The following STAT5B variants were observed in gnomAD, a reference collection of about 807,000 sequenced individuals.
The protein encoded by STAT5B is signal transducer and activator of transcription 5B.
A neutral mutation model predicts 107.8 loss-of-function variants in STAT5B; 21 were observed. The observed-to-expected ratio is 0.19, with a 90% CI of 0.14 to 0.28. STAT5B has a LOEUF of 0.28. Ranked by LOEUF, STAT5B falls within the 10% of genes least tolerant of loss-of-function variation. The pLI is 1.00. For synonymous variants in STAT5B, 325 were observed against 401.7 expected, an observed-to-expected ratio of 0.81 and a Z score of 2.28; for missense variants, 565 against 1,008.2, an observed-to-expected ratio of 0.56 and a Z score of 5.95.
At chr17:42,252,045 A>G (rs2080504783) in intron 1 of STAT5B, among the ~76,000 whole-genome samples, 1 of 151,948 alleles carries the variant, frequency 6.6e-6, no homozygotes, top group Non-Finnish European at 1.5e-5. Context: ...ACAAATAACT[A>G]TGTTACTGTT....
At chr17:42,269,746 G>A (rs544736261) in intron 1 of STAT5B, 27 of 151,852 alleles carry the variant, frequency 1.8e-4, no homozygotes, top group African/African-American at 5.1e-4. Context: ...AAAGCACTAC[G>A]CTTTAGGGTT....
At chr17:42,216,843 A>G (rs1280543917) in intron 11 of STAT5B, among the ~76,000 whole-genome samples, 1 of 151,558 alleles carries the variant, frequency 6.6e-6, no homozygotes, top group Non-Finnish European at 1.5e-5. Context: ...ACGCCTGGCT[A>G]ATTTTTGTAC....
intron 1 of STAT5B, among the ~76,000 whole-genome samples, chr17:42,252,295 G>A (rs1213079812): frequency 2.1e-4 from 32 of 152,138 alleles, no homozygotes; most frequent in Admixed American, 2.1e-3. Flanking sequence ...TGTATCCAAT[G>A]TCTTTGATCA....
At chr17:42,211,817 C>T (rs953914307) in intron 13 of STAT5B, among the ~76,000 whole-genome samples, 167 bp downstream of exon 13, 1 of 152,228 alleles carries the variant, frequency 6.6e-6, no homozygotes, top group Non-Finnish European at 1.5e-5. Context: ...TAATTTTCTA[C>T]ACGTGACCTG....
chr17:42,219,888 A>C (rs1598304255), intron 5 of STAT5B, 46 bp from the exon 6 acceptor site: 4 of 1,613,676 alleles, frequency 2.5e-6, no homozygotes, highest in Non-Finnish European at 3.4e-6. Context: ...CCCAGTGTCC[A>C]ACAGGAGGCC....
At chr17:42,213,818 C>T (rs890052930) in intron 12 of STAT5B, among the ~76,000 whole-genome samples, 29 of 149,062 alleles carry the variant, frequency 1.9e-4, no homozygotes, top group Non-Finnish European at 3.9e-4. Context: ...TGTGAGCCAC[C>T]GTGCCCAGCT....
At position 42,232,250 on chromosome 17, in the gene STAT5B, T is replaced by C. The variant is rs918213345; in HGVS notation, c.-10-113A>G. ...GTAAATGTTTTTATTTTATTATTTATTTTTATTTTTATTTTTTTGAGACAG... is the reference window on the plus strand; with the variant it reads ...GTAAATGTTTTTATTTTATTATTTACTTTTATTTTTATTTTTTTGAGACAG... On this transcript the variant is annotated intron_variant, in intron 1 of 18. Transcript: ENST00000293328. The C allele has an allele frequency of 4.6e-6, 5 of 1,090,400 alleles. No individual in the cohort carries two copies. The African/African-American group carries it at 6.7e-5, about 15-fold the overall frequency. The allele number at this position is 1,090,400 out of a possible 1,614,324, so 67.5% of individuals were successfully genotyped here.
chr17:42,278,236 A>G (rs2080779847), upstream of STAT5B, among the ~76,000 whole-genome samples: 1 of 152,070 alleles, frequency 6.6e-6, no homozygotes, highest in Non-Finnish European at 1.5e-5. Context: ...TTGAAGGACA[A>G]TTTCATGTTT....
chr17:42,242,686 G>A (rs185450149), intron 1 of STAT5B, among the ~76,000 whole-genome samples: 12 of 149,572 alleles, frequency 8.0e-5, no homozygotes, highest in Admixed American at 4.7e-4. Context: ...ACAAAAACAC[G>A]ACTGGGTGTG....
chr17:42,273,676 T>C (rs1424580978), intron 1 of STAT5B, among the ~76,000 whole-genome samples: 2 of 152,188 alleles, frequency 1.3e-5, no homozygotes, highest in Non-Finnish European at 2.9e-5. Context: ...GTAACCTGCA[T>C]CTAATCTTGA....
intron 5 of STAT5B, among the ~76,000 whole-genome samples, chr17:42,221,942 TATGTG>T (rs1216037139): frequency 2.1e-5 from 3 of 145,130 alleles, no homozygotes; most frequent in Non-Finnish European, 4.5e-5. Context: ...GTGTGGTGTG[TATGTG>T]TGGTGTGTGT....
At chr17:42,278,466 G>A (rs2080781486), upstream of STAT5B, among the ~76,000 whole-genome samples, 1 of 152,174 alleles carries the variant, frequency 6.6e-6, no homozygotes, top group Non-Finnish European at 1.5e-5. Context: ...AGCTACTGAG[G>A]AGGCTAAGGT....
chr17:42,217,080 A>T (rs1470451897), intron 11 of STAT5B, 80 bp downstream of exon 11: 24 of 1,308,574 alleles, frequency 1.8e-5, no homozygotes, highest in Middle Eastern at 2.3e-4. Context: ...GCTATGTGAT[A>T]AAAAAAAAAT....
In STAT5B at chr17:42,201,601, A is replaced by C. The variant is rs1333225103; in HGVS notation, c.*137T>G. On this transcript the variant is annotated 3_prime_UTR_variant, in exon 19 of 19. Coordinates refer to ENST00000293328, the MANE Select transcript of STAT5B (RefSeq NM_012448.4). ...CGCTGGTGCCACCATGCACAGAAAC[A>C]CTAAGGTCACAACTAGTATTAACAC... is the stretch of plus-strand genomic sequence containing the variant. 1 of 748,204 alleles carries C rather than the reference A, an allele frequency of 1.3e-6. No homozygotes were observed. Among genetic ancestry groups the C allele is most frequent in the Non-Finnish European group, 2.4e-6 (1 of 416,844 alleles). 46.3% of individuals were successfully genotyped at this position (748,204 alleles called of 1,614,324 possible).
intron 1 of STAT5B, among the ~76,000 whole-genome samples, chr17:42,242,153 G>A (rs1218379113): frequency 6.6e-6 from 1 of 152,138 alleles, no homozygotes; most frequent in African/African-American, 2.4e-5. Context: ...AAGGGTAAGG[G>A]AGGGAATAAA....
chr17:42,259,010 A>G (rs1408937780), intron 1 of STAT5B, among the ~76,000 whole-genome samples: 1 of 152,262 alleles, frequency 6.6e-6, no homozygotes, highest in Non-Finnish European at 1.5e-5. Context: ...AAGAGTAGCT[A>G]AGACCAAAAG....
intron 18 of STAT5B, 29 bp downstream of exon 18, chr17:42,202,311 C>G (rs1334315841): frequency 6.2e-7 from 1 of 1,613,272 alleles, no homozygotes; most frequent in Non-Finnish European, 8.5e-7. Context: ...AGTTCCTCCC[C>G]TGTGGACCCC....
chr17:42,213,922 A>T (rs1475643299), intron 12 of STAT5B, among the ~76,000 whole-genome samples: 1 of 150,898 alleles, frequency 6.6e-6, no homozygotes, highest in Admixed American at 6.6e-5. Flanking sequence ...TGGGTGGATC[A>T]CTTGAGGTCA....
chr17:42,269,834 G>C (rs77346922), intron 1 of STAT5B: 4 of 135,358 alleles, frequency 3.0e-5, no homozygotes, highest in Non-Finnish European at 6.5e-5. Context: ...CATCATAAAT[G>C]AAAAAAAAAA....
Sources: gnomAD v4.1 joint callset for allele counts (sites outside exome capture counted in the v4.1 genomes callset) on GRCh38, gnomAD v4.1.1 for gene constraint, MANE v1.5 for transcripts, NCBI Gene and HGNC (gene_info 2026-07-23, HGNC 2026-07-21) for gene names.